AGBL1: variants seen among roughly 807,000 people sequenced by gnomAD.
AGBL1 encodes cytosolic carboxypeptidase 4.
Under a neutral mutation model 118.9 loss-of-function variants are expected in AGBL1, and 130 were observed. The observed-to-expected ratio is 1.09, with a 90% CI of 0.95 to 1.26. The LOEUF (loss-of-function observed/expected upper bound fraction) is 1.26. Ranked by LOEUF, AGBL1 falls within the 50% of genes most tolerant of loss-of-function variation. The pLI is 0.00. For missense variants in AGBL1, 1,584 were observed against 1,298.1 expected, an observed-to-expected ratio of 1.22 and a Z score of -3.38; for synonymous variants, 555 against 478.9, an observed-to-expected ratio of 1.16 and a Z score of -2.08.
chr15:86,408,690 A>G (rs929849274), intron 18 of AGBL1, among the ~76,000 whole-genome samples: 1 of 152,222 alleles, frequency 6.6e-6, no homozygotes, highest in South Asian at 2.1e-4. Flanking sequence ...GAGTGTTTGG[A>G]TGAAAATGTC....
At chr15:86,955,150 C>A (rs1365989191) in intron 23 of AGBL1, among the ~76,000 whole-genome samples, 1 of 151,794 alleles carries the variant, frequency 6.6e-6, no homozygotes, top group East Asian at 1.9e-4. Context: ...AAGATTTGTG[C>A]AAATTTATAT....
rs548523169 is a variant in AGBL1, at chr15:86,657,970, C to T, written c.2995-16303C>T. The stretch of plus-strand genomic sequence containing the variant: ...GATAAGATGCTCAACTTCTCTCAAA[C>T]TCATCATTAGGACTGTTGTAAGAGT... On this transcript the variant is annotated intron_variant, in intron 21 of 22. Transcript: ENST00000614907. Among the ~76,000 whole-genome samples the T allele has an allele frequency of 2.6e-5, 4 of 151,922 alleles. No homozygotes were observed. The South Asian group carries it at 8.3e-4, about 32-fold the overall frequency.
chr15:86,436,947 G>A (rs1366952939), intron 18 of AGBL1, among the ~76,000 whole-genome samples: 1 of 151,608 alleles, frequency 6.6e-6, no homozygotes, highest in Non-Finnish European at 1.5e-5. Context: ...AAACAAACTG[G>A]CCTTGCCAAA....
chr15:87,028,872 G>T lies in AGBL1; in HGVS notation c.*32G>T, dbSNP rs1596758601. On this transcript the variant is annotated 3_prime_UTR_variant, in exon 25 of 25. Coordinates refer to the AGBL1 transcript ENST00000441037. ...TCCCTTCAAATGAGCAAGTATTGAA[G>T]TTCATGCCATGTGCCCAGCTCCTCC... 16 of 1,593,250 alleles carry T rather than the reference G, an allele frequency of 1.0e-5. No individual in the cohort carries two copies. In the East Asian group the frequency reaches 3.6e-4, roughly 36 times the overall value.
chr15:86,812,945 G>A (rs1182899274), intron 22 of AGBL1, among the ~76,000 whole-genome samples: 8 of 151,146 alleles, frequency 5.3e-5, no homozygotes, highest in Non-Finnish European at 1.0e-4. Context: ...TTTTTTCACT[G>A]GAAGGGAGCA....
intron 18 of AGBL1, among the ~76,000 whole-genome samples, chr15:86,398,961 C>G (rs1028877906): frequency 1.3e-5 from 2 of 152,110 alleles, no homozygotes; most frequent in African/African-American, 4.8e-5. Context: ...TACAGGTGAG[C>G]TCCTCCCAGC....
Position 86,462,872 on chromosome 15 carries a change from T to C in AGBL1, c.2556-59938T>C, listed in dbSNP as rs530664066. Among the ~76,000 whole-genome samples the C allele has an allele frequency of 7.9e-5, 12 of 152,348 alleles. No individual in the cohort carries two copies. In the South Asian group the frequency reaches 2.3e-3, roughly 29 times the overall value. On this transcript the variant is annotated intron_variant, in intron 18 of 22. Coordinates refer to ENST00000614907, the MANE Select transcript of AGBL1 (RefSeq NM_001386094.1). ...GGGCTTTTGGGTTGGTTCCAATTCT[T>C]AGCTATTGTGAATAGTGCTGCAATA...
chr15:87,008,777 G>A (rs925170018), intron 24 of AGBL1, among the ~76,000 whole-genome samples: 2 of 152,198 alleles, frequency 1.3e-5, no homozygotes, highest in African/African-American at 4.8e-5. Context: ...CTGGAGCAAA[G>A]GTGACTCTTG....
At chr15:86,140,367 G>T (rs1221491365) in intron 1 of AGBL1, 3 of 151,910 alleles carry the variant, frequency 2.0e-5, no homozygotes, top group Admixed American at 2.0e-4. Flanking sequence ...TGGGACTGAA[G>T]AAAGTGTAGG....
At chr15:86,338,603 G>T (rs561559437) in intron 17 of AGBL1, among the ~76,000 whole-genome samples, 1 of 152,258 alleles carries the variant, frequency 6.6e-6, no homozygotes, top group Admixed American at 6.5e-5. Flanking sequence ...ACAAAGGTAG[G>T]GGGGTGGCTG....
At chr15:86,397,178 A>G (rs1276449267) in intron 17 of AGBL1, among the ~76,000 whole-genome samples, 188 bp from the exon 18 acceptor site, 2 of 151,784 alleles carry the variant, frequency 1.3e-5, no homozygotes, top group African/African-American at 4.9e-5. Context: ...GTAAGATCGT[A>G]TCCCATGAGA....
chr15:86,247,894 G>A lies in AGBL1; in HGVS notation c.735+15G>A, dbSNP rs1156230015. On this transcript the variant is annotated intron_variant, in intron 7 of 22. Coordinates refer to ENST00000614907, the MANE Select transcript of AGBL1 (RefSeq NM_001386094.1). ...GCACCACACAGGCAGGCAGCATGGG[G>A]ATTCACTCTGCAGCTGGAGGCCAGC... is the stretch of plus-strand genomic sequence containing the variant. The A allele has an allele frequency of 6.2e-7, 1 of 1,613,192 alleles. No homozygotes were observed. Among genetic ancestry groups the A allele is most frequent in the Non-Finnish European group, 8.5e-7 (1 of 1,179,658 alleles).
chr15:86,336,469 A>C (rs917202665), intron 17 of AGBL1, among the ~76,000 whole-genome samples: 1 of 152,240 alleles, frequency 6.6e-6, no homozygotes, highest in African/African-American at 2.4e-5. Context: ...TTTGGAGCTA[A>C]GTGAATAATC....
intron 17 of AGBL1, among the ~76,000 whole-genome samples, chr15:86,341,903 T>A (rs899474758): frequency 3.9e-5 from 6 of 152,118 alleles, no homozygotes; most frequent in African/African-American, 1.2e-4. Context: ...TACTGTAAAA[T>A]TTATCAAAAA....
At chr15:86,837,178 G>C (rs1287519056) in intron 22 of AGBL1, among the ~76,000 whole-genome samples, 1 of 148,454 alleles carries the variant, frequency 6.7e-6, no homozygotes, top group East Asian at 2.0e-4. Flanking sequence ...ACATCCCCAA[G>C]ATTACCACTT....
At chr15:86,701,625 G>GTCTCC (rs1242166045) in intron 22 of AGBL1, among the ~76,000 whole-genome samples, 1 of 151,484 alleles carries the variant, frequency 6.6e-6, no homozygotes, top group Non-Finnish European at 1.5e-5. Context: ...GGTAAAACAT[G>GTCTCC]TCTCCTCTCC....
chr15:86,255,226 G>A (rs968077704), intron 7 of AGBL1, among the ~76,000 whole-genome samples: 6 of 152,090 alleles, frequency 3.9e-5, no homozygotes, highest in Non-Finnish European at 7.4e-5. Flanking sequence ...CTTCCTCCTT[G>A]AGACTCTGTT....
At chr15:86,241,125 G>C (rs1223164984) in intron 6 of AGBL1, among the ~76,000 whole-genome samples, 1 of 152,150 alleles carries the variant, frequency 6.6e-6, no homozygotes, top group East Asian at 1.9e-4. Flanking sequence ...GTATGGGAGT[G>C]TTTCAGAGAG....
chr15:86,087,044 T>C (rs187774396), intron 1 of AGBL1, among the ~76,000 whole-genome samples: 53 of 152,296 alleles, frequency 3.5e-4, no homozygotes, highest in Middle Eastern at 6.8e-3. Context: ...CAAATGGTTT[T>C]CAAAAATGGT....
Sources: gnomAD v4.1 joint callset for allele counts (sites outside exome capture counted in the v4.1 genomes callset) on GRCh38, gnomAD v4.1.1 for gene constraint, MANE v1.5 for transcripts, NCBI Gene and HGNC (gene_info 2026-07-23, HGNC 2026-07-21) for gene names.